ADAT1: variants seen among roughly 807,000 people sequenced by gnomAD.
ADAT1 encodes tRNA-specific adenosine deaminase 1.
A neutral mutation model predicts 58.6 loss-of-function variants in ADAT1; 58 were observed. The ratio of observed to expected loss-of-function variants is 0.99; its 90% CI spans 0.80 to 1.23. ADAT1 has a LOEUF of 1.23. ADAT1 is among the 50% of genes most tolerant of loss of function. The pLI is 0.00. For missense variants in ADAT1, 741 were observed against 608.6 expected (o/e 1.22, Z -2.29); for synonymous variants, 254 against 220.8 (o/e 1.15, Z -1.33).
chr16:75,612,125 A>G, intron 6 of ADAT1, 118 bp downstream of exon 6: 1 of 1,186,926 alleles, frequency 8.4e-7, no homozygotes, highest in Non-Finnish European at 1.2e-6. Context: ...CTTAAGACAA[A>G]TTCCTGGAAG....
At chr16:75,612,886 CA>C in intron 5 of ADAT1, 25 bp from the exon 6 acceptor site, 1 of 1,601,714 alleles carries the variant, frequency 6.2e-7, no homozygotes, top group Non-Finnish European at 8.5e-7. Flanking sequence ...CCCACTTAAA[CA>C]AATGGTTCTC....
rs1283554799 is a variant in ADAT1, at chr16:75,622,429, G to A, written c.-48C>T. On this transcript the variant is annotated 5_prime_UTR_variant, in exon 1 of 10. Transcript: ENST00000564657. ...TCTCATTTCTAGGGAGGCATCACAA[G>A]GCAGTATAGTTTATGAAGACCACCT... The A allele has an allele frequency of 6.6e-6, 1 of 152,148 alleles. No individual in the cohort carries two copies. The highest frequency in any genetic ancestry group is 1.5e-5 in the Non-Finnish European group (1 of 68,030). The allele number at this position is 152,148 out of a possible 1,614,324, so 9.4% of individuals were successfully genotyped here. A position where few individuals can be genotyped will look rare whatever the true frequency, so the allele number is the denominator to read the frequency against.
At chr16:75,601,484 C>T (rs1056694226) in intron 9 of ADAT1, among the ~76,000 whole-genome samples, 1 of 151,476 alleles carries the variant, frequency 6.6e-6, no homozygotes, top group Admixed American at 6.6e-5. Flanking sequence ...ACATGCCAGG[C>T]GGTGGCTCAC....
chr16:75,599,461 A>G lies in ADAT1; in HGVS notation c.*755T>C, dbSNP rs1022634249. 5 of 985,758 alleles carry G rather than the reference A, an allele frequency of 5.1e-6. No homozygotes were observed. Among genetic ancestry groups the G allele is most frequent in the Admixed American group, 1.2e-4 (2 of 16,258 alleles). 61.1% of individuals were successfully genotyped at this position (985,758 alleles called of 1,614,324 possible). On this transcript the variant is annotated 3_prime_UTR_variant, in exon 10 of 10. Coordinates refer to ENST00000564657, the MANE Select transcript of ADAT1 (RefSeq NM_001324445.2). ...AAACAGGCTTAATCAAAATAACAAC[A>G]GGAATCTGTCTCACATAATTGAGAC...
At position 75,604,301 on chromosome 16, in the gene ADAT1, C is replaced by T. The variant is rs533809388; in HGVS notation, c.1290-1130G>A. Among the ~76,000 whole-genome samples the T allele has an allele frequency of 1.7e-4, 25 of 150,696 alleles. No homozygotes were observed. In the South Asian group the frequency reaches 4.9e-3, roughly 29 times the overall value. On this transcript the variant is annotated intron_variant, in intron 8 of 9. Transcript: ENST00000564657. Reference sequence around the variant, plus strand: ...TACAAAAACTAGCTGGGAGTGGTGGCGCATGCCTGTAATCCCAGCTACTCA... The same window carrying T: ...TACAAAAACTAGCTGGGAGTGGTGGTGCATGCCTGTAATCCCAGCTACTCA...
rs1278227041 is a variant in ADAT1, at chr16:75,599,359, G to GGCCTGAGCCACCAA, written c.*843_*856dup. 1.0e-6 allele frequency: 1 copy of GGCCTGAGCCACCAA among 985,454 alleles called. No individual in the cohort carries two copies. The highest frequency in any genetic ancestry group is 6.2e-5 in the Admixed American group (1 of 16,248). The allele number at this position is 985,454 out of a possible 1,614,324, so 61.0% of individuals were successfully genotyped here. The stretch of plus-strand genomic sequence containing the variant: ...GGCTTCCCAAAGTGCTGGGATTACA[G>GGCCTGAGCCACCAA]GCCTGAGCCACCAAGCCTGGCCACC... On this transcript the variant is annotated 3_prime_UTR_variant, in exon 10 of 10. Coordinates refer to ENST00000564657, the MANE Select transcript of ADAT1 (RefSeq NM_001324445.2).
At chr16:75,610,416 C>G (rs2081495635) in intron 6 of ADAT1, among the ~76,000 whole-genome samples, 1 of 152,058 alleles carries the variant, frequency 6.6e-6, no homozygotes, top group African/African-American at 2.4e-5. Flanking sequence ...CCCACATCAG[C>G]TCCCCATGCA....
rs1193278536 is a variant in ADAT1, at chr16:75,608,975, A to G, written c.1057T>C (p.Ser353Pro). The G allele has an allele frequency of 6.2e-7, 1 of 1,614,180 alleles. No individual in the cohort carries two copies. The highest frequency in any genetic ancestry group is 1.7e-5 in the Admixed American group (1 of 60,006). The change falls in exon 7 of 10, where the codon TCT becomes CCT. Residue 353 changes from serine to proline, a missense_variant. By Grantham distance (74) the Ser-to-Pro change is moderately conservative. Transcript: ENST00000564657. ...RALIGRCQNV[S>P]ALPKGFGVQE... ...ACTCCGAAGCCTTTTGGTAAAGCAG[A>G]CACATTCTGACACCTAAATACAAGG...
intron 8 of ADAT1, among the ~76,000 whole-genome samples, chr16:75,606,919 G>A (rs926408381): frequency 6.6e-6 from 1 of 152,152 alleles, no homozygotes; most frequent in African/African-American, 2.4e-5. Flanking sequence ...ACCTCAATAA[G>A]TGAACACTCA....
Position 75,612,613 on chromosome 16 carries a change from G to T in ADAT1, c.673C>A (p.Pro225Thr), listed in dbSNP as rs116307862. 41 of 1,613,826 alleles carry T rather than the reference G, an allele frequency of 2.5e-5. No homozygotes were observed. In the East Asian group the frequency reaches 9.1e-4, roughly 36 times the overall value. Residue 225 changes from proline (P) to threonine (T), a missense_variant, in exon 6 of 10, where the codon CCA becomes ACA. By Grantham distance (38) the Pro-to-Thr change is conservative (BLOSUM62 -1). Coordinates refer to ENST00000564657, the MANE Select transcript of ADAT1 (RefSeq NM_001324445.2). ...CAGCTGTGGATGCCTGGTGAGATTG[G>T]GCCACTTTTCTGCTTGCCAAAACTC... The part of the protein sequence containing the change: ...HQSFGKQKSG[P>T]ISPGIHSCDL...
At position 75,600,068 on chromosome 16, in the gene ADAT1, T is replaced by G; in HGVS notation, c.*148A>C. The G allele has an allele frequency of 6.7e-7, 1 of 1,491,542 alleles. No individual in the cohort carries two copies. Among genetic ancestry groups the G allele is most frequent in the Non-Finnish European group, 8.9e-7 (1 of 1,118,464 alleles). The allele number at this position is 1,491,542 out of a possible 1,614,324, so 92.4% of individuals were successfully genotyped here. A position where few individuals can be genotyped will look rare whatever the true frequency, so the allele number is the denominator to read the frequency against. On this transcript the variant is annotated 3_prime_UTR_variant, in exon 10 of 10. Coordinates refer to ENST00000564657, the MANE Select transcript of ADAT1 (RefSeq NM_001324445.2). ...CAATCAAGTATAGCTTGCTCTAAGT[T>G]CCAGATTCCATCTGTATTACACAAC...
chr16:75,623,218 C>G lies in ADAT1; in HGVS notation c.-837G>C, dbSNP rs1407819957. On this transcript the variant is annotated 5_prime_UTR_variant, in exon 1 of 10. Coordinates refer to ENST00000564657, the MANE Select transcript of ADAT1 (RefSeq NM_001324445.2). ...AACCTGCCCCGTCGCCCCAGCGCCTCGCGGACGCTCCCCTCCCACCTTCAG... is the reference window on the plus strand; with the variant it reads ...AACCTGCCCCGTCGCCCCAGCGCCTGGCGGACGCTCCCCTCCCACCTTCAG... 1.3e-5 allele frequency: 2 copies of G among 152,336 alleles called. No individual in the cohort carries two copies. Among genetic ancestry groups the G allele is most frequent in the Non-Finnish European group, 2.9e-5 (2 of 68,086 alleles). The allele number at this position is 152,336 out of a possible 1,614,324, so 9.4% of individuals were successfully genotyped here. A position where few individuals can be genotyped will look rare whatever the true frequency, so the allele number is the denominator to read the frequency against.
At chr16:75,612,022 C>T (rs576562242) in intron 6 of ADAT1, among the ~76,000 whole-genome samples, 54 of 152,138 alleles carry the variant, frequency 3.5e-4, no homozygotes, top group Non-Finnish European at 7.2e-4. Context: ...CACGCCATTG[C>T]ACCCCAGCCT....
chr16:75,613,488 G>C (rs1000112630), intron 5 of ADAT1, among the ~76,000 whole-genome samples: 1 of 152,082 alleles, frequency 6.6e-6, no homozygotes, highest in East Asian at 1.9e-4. Context: ...TTTTAGTAGA[G>C]ACGAGGTTTC....
At chr16:75,607,086 T>C (rs1317175619) in intron 8 of ADAT1, among the ~76,000 whole-genome samples, 2 of 151,686 alleles carry the variant, frequency 1.3e-5, no homozygotes, top group African/African-American at 4.8e-5. Flanking sequence ...AAAAATTAGC[T>C]GGGCGTGGTG....
intron 8 of ADAT1, among the ~76,000 whole-genome samples, chr16:75,607,228 G>A (rs1324950369): frequency 2.0e-5 from 3 of 152,120 alleles, no homozygotes; most frequent in African/African-American, 7.2e-5. Flanking sequence ...ATGAGGCCGG[G>A]TGAGATGGCT....
rs761102790 is a variant in ADAT1 at position 75,620,672 on chromosome 16, G to A, written c.128C>T (p.Pro43Leu). Residue 43 changes from proline (P) to leucine (L), a missense_variant, in exon 2 of 10, where the codon CCA (proline) becomes CTA (leucine). Transcript: ENST00000564657. ...AGGGGTGTCGCAGGCCTTGTCAGCT[G>A]GAGATTGTATCTTCACCACCGCTGC... ...LLAAVVKIQS[P>L]ADKACDTPDK... 1.9e-6 allele frequency: 3 copies of A among 1,613,840 alleles called. No individual in the cohort carries two copies. Among genetic ancestry groups the A allele is most frequent in the Admixed American group, 3.3e-5 (2 of 60,024 alleles).
chr16:75,609,967 G>C (rs962516090), intron 6 of ADAT1, among the ~76,000 whole-genome samples: 7 of 152,150 alleles, frequency 4.6e-5, no homozygotes, highest in African/African-American at 1.7e-4. Context: ...GCCTCCCAAA[G>C]TGCTGGCATT....
In ADAT1 at chr16:75,622,645, G is replaced by C. The variant is rs1449576902; in HGVS notation, c.-264C>G. Reference sequence around the variant, plus strand: ...ATGAATAAATGTTTTGCTACACTGGGTCCATTATAATTCGAGCCTACACCC... The same window carrying C: ...ATGAATAAATGTTTTGCTACACTGGCTCCATTATAATTCGAGCCTACACCC... On this transcript the variant is annotated 5_prime_UTR_variant, in exon 1 of 10. Coordinates refer to ENST00000564657, the MANE Select transcript of ADAT1 (RefSeq NM_001324445.2). 2.0e-5 allele frequency: 3 copies of C among 151,628 alleles called. No homozygotes were observed. Among genetic ancestry groups the C allele is most frequent in the African/African-American group, 7.3e-5 (3 of 41,234 alleles). 9.4% of individuals were successfully genotyped at this position (151,628 alleles called of 1,614,324 possible). A position where few individuals can be genotyped will look rare whatever the true frequency, so the allele number is the denominator to read the frequency against.
Sources: allele counts gnomAD v4.1 joint callset (sites outside exome capture counted in the v4.1 genomes callset), GRCh38; gene constraint gnomAD v4.1.1; transcripts MANE v1.5; gene names NCBI Gene and HGNC (gene_info 2026-07-23, HGNC 2026-07-21).